Variants in SV2C observed in about 807,000 individuals in gnomAD.
The protein encoded by SV2C is synaptic vesicle glycoprotein 2C.
SV2C carries 49 observed loss-of-function variants against 79.7 expected under a neutral mutation model. The ratio of observed to expected loss-of-function variants is 0.61; its 90% CI spans 0.49 to 0.78. The LOEUF is 0.78. Among genes scored for constraint, SV2C ranks in the 30% least tolerant of loss-of-function variants. The probability of loss-of-function intolerance (pLI) is 0.00; values close to 1 mark genes in which losing one functional copy is unlikely to be tolerated. For synonymous variants in SV2C, 334 were observed against 333.2 expected (o/e 1.00, Z -0.03); for missense variants, 833 against 912.9 (o/e 0.91, Z 1.13).
At chr5:76,210,631 T>G (rs1475217986) in intron 4 of SV2C, among the ~76,000 whole-genome samples, 2 of 152,328 alleles carry the variant, frequency 1.3e-5, no homozygotes, top group East Asian at 3.9e-4. Context: ...GAGGTTTCTA[T>G]AGGCATGATT....
intron 12 of SV2C, among the ~76,000 whole-genome samples, chr5:76,304,136 T>G (rs886916287): frequency 6.6e-6 from 1 of 152,244 alleles, no homozygotes. Context: ...CACAAAGGTC[T>G]GCCAGGTGCA....
chr5:75,871,066 T>G, the SV2C span, among the ~76,000 whole-genome samples: 4 of 152,200 alleles, frequency 2.6e-5, no homozygotes, highest in Non-Finnish European at 5.9e-5. Flanking sequence ...TGAGGTTTAT[T>G]TCAGAATTGA....
the SV2C span, among the ~76,000 whole-genome samples, chr5:76,054,881 G>T: frequency 6.6e-6 from 1 of 152,064 alleles, no homozygotes; most frequent in Admixed American, 6.6e-5. Flanking sequence ...TGAGTTCCTT[G>T]TAGATGCTGG....
chr5:76,321,236 C>G (rs746119815), intron 12 of SV2C, among the ~76,000 whole-genome samples: 28 of 151,708 alleles, frequency 1.8e-4, no homozygotes, highest in African/African-American at 5.3e-4. Flanking sequence ...ACAAATCAAA[C>G]AAAGAAAGAT....
intron 1 of SV2C, among the ~76,000 whole-genome samples, chr5:76,115,655 T>C (rs931539344): frequency 6.6e-6 from 1 of 152,212 alleles, no homozygotes; most frequent in African/African-American, 2.4e-5. Context: ...GCAGGGATAA[T>C]GAGATCTAGT....
chr5:75,926,050 T>G, the SV2C span, among the ~76,000 whole-genome samples: 1 of 152,226 alleles, frequency 6.6e-6, no homozygotes, highest in Non-Finnish European at 1.5e-5. Context: ...TGAAATGGCT[T>G]CTGTTAAGAT....
chr5:76,257,604 T>A (rs1015144202), intron 4 of SV2C, among the ~76,000 whole-genome samples: 4 of 150,712 alleles, frequency 2.7e-5, no homozygotes, highest in Admixed American at 6.6e-5. Flanking sequence ...GTGTCTATAG[T>A]GTCAGCAGAT....
At chr5:75,850,198 G>C in the SV2C span, among the ~76,000 whole-genome samples, 1 of 152,264 alleles carries the variant, frequency 6.6e-6, no homozygotes, top group East Asian at 1.9e-4. Flanking sequence ...AGATTTAGCA[G>C]ATAAAAATTA....
chr5:75,996,275 G>T, the SV2C span, among the ~76,000 whole-genome samples: 1 of 152,150 alleles, frequency 6.6e-6, no homozygotes, highest in Non-Finnish European at 1.5e-5. Flanking sequence ...TCTCAGGTTT[G>T]TCAAAGATCA....
the SV2C span, among the ~76,000 whole-genome samples, chr5:76,025,893 T>C: frequency 2.0e-5 from 3 of 152,114 alleles, no homozygotes; most frequent in Non-Finnish European, 4.4e-5. Context: ...CACTGGGAAA[T>C]TTTAGCTTAG....
chr5:76,171,956 T>C (rs868700737), intron 2 of SV2C, among the ~76,000 whole-genome samples: 53 of 86,636 alleles, frequency 6.1e-4, no homozygotes, highest in East Asian at 1.6e-3. Flanking sequence ...GCCCCCCGCC[T>C]GGCCAGCCGC....
the SV2C span, among the ~76,000 whole-genome samples, chr5:75,921,873 G>A: frequency 6.6e-6 from 1 of 151,286 alleles, no homozygotes; most frequent in African/African-American, 2.4e-5. Context: ...TCATCAATTT[G>A]TTTATTCATT....
At chr5:75,864,191 C>T in the SV2C span, among the ~76,000 whole-genome samples, 601 of 152,244 alleles carry the variant, frequency 3.9e-3, 2 homozygotes, top group African/African-American at 0.014. Context: ...TATAGAAAAA[C>T]TGAGCCTGAT....
intron 4 of SV2C, among the ~76,000 whole-genome samples, chr5:76,223,420 C>T (rs1385377020): frequency 6.1e-5 from 7 of 114,380 alleles, no homozygotes; most frequent in African/African-American, 1.2e-4. Context: ...AGAGCAAGAC[C>T]CTGTCTCTTT....
the SV2C span, among the ~76,000 whole-genome samples, chr5:76,071,565 C>T: frequency 0.022 from 3,409 of 152,164 alleles, 52 homozygotes; most frequent in Non-Finnish European, 0.032. Flanking sequence ...CTATTAATAC[C>T]GAATGTTTCC....
chr5:75,898,791 T>C, the SV2C span, among the ~76,000 whole-genome samples: 2 of 152,202 alleles, frequency 1.3e-5, no homozygotes, highest in African/African-American at 4.8e-5. Context: ...CCTGGTTTAG[T>C]CTTGGGAGGG....
At chr5:76,070,817 G>T in the SV2C span, among the ~76,000 whole-genome samples, 1 of 152,156 alleles carries the variant, frequency 6.6e-6, no homozygotes, top group East Asian at 1.9e-4. Context: ...CATTCCCTCT[G>T]GGACAGTTTG....
intron 4 of SV2C, among the ~76,000 whole-genome samples, chr5:76,218,593 C>T (rs1744972333): frequency 6.6e-6 from 1 of 152,034 alleles, no homozygotes; most frequent in African/African-American, 2.4e-5. Context: ...CATCATACAC[C>T]AAGGCCTGTT....
rs189725592 is a variant in SV2C, at chr5:76,206,127, A to G, written c.762-3609A>G. ...AACCCCTCACATGCAATATTGAGGT[A>G]GAATCATAATGGGAAACTTCTTTTT... On this transcript the variant is annotated intron_variant, in intron 3 of 12. Coordinates refer to ENST00000502798, the MANE Select transcript of SV2C (RefSeq NM_014979.4). Among the ~76,000 whole-genome samples the G allele has an allele frequency of 1.5e-3, 224 of 152,358 alleles. 1 individual carries two copies. Among genetic ancestry groups the G allele is most frequent in the African/African-American group, 5.0e-3 (206 of 41,592 alleles).
Sources: allele counts gnomAD v4.1 joint callset (sites outside exome capture counted in the v4.1 genomes callset), GRCh38; gene constraint gnomAD v4.1.1; transcripts MANE v1.5; gene names NCBI Gene and HGNC (gene_info 2026-07-23, HGNC 2026-07-21).